Variants in DLEU7 observed in about 807,000 individuals in gnomAD.
DLEU7 encodes the protein deleted in lymphocytic leukemia 7.
Under a neutral mutation model 16.0 loss-of-function variants are expected in DLEU7, and 17 were observed. The observed-to-expected ratio is 1.06, with a 90% confidence interval of 0.73 to 1.59. DLEU7 has a LOEUF of 1.59. Ranked by LOEUF, DLEU7 falls within the 40% of genes most tolerant of loss-of-function variation. DLEU7 has a pLI of 0.00. For missense variants in DLEU7, 308 were observed against 314.9 expected (o/e 0.98, Z 0.17); for synonymous variants, 113 against 139.8 (o/e 0.81, Z 1.35).
chr13:50,793,506 C>A (rs572875547), intron 1 of DLEU7, among the ~76,000 whole-genome samples: 7 of 152,330 alleles, frequency 4.6e-5, no homozygotes, highest in African/African-American at 1.7e-4. Context: ...TGCAGCCTCA[C>A]TAACATCTGC....
At position 50,843,210 on chromosome 13, in the gene DLEU7, C is replaced by T. The variant is rs759577388; in HGVS notation, c.437G>A (p.Arg146Gln). ...QTLLGPLQQE[R>Q]SFPIHLKDSV... ...CACCTTCAGGTGAATGGGAAAGGAC[C>T]GCTCCTGCTGGAGGGGCCCCAGCAG... Residue 146 changes from arginine (R) to glutamine (Q), a missense_variant, in exon 1 of 2, where the codon CGG becomes CAG. By Grantham distance (43) the Arg-to-Gln change is conservative. Coordinates refer to ENST00000504404, the MANE Select transcript of DLEU7 (RefSeq NM_001306135.2). This position sits in a 1 kb window ranked among gnomAD's most constrained non-coding sequence, Gnocchi z 5.7. 5 of 1,593,130 alleles carry T rather than the reference C, an allele frequency of 3.1e-6. No homozygotes were observed. The Admixed American group carries it at 6.8e-5, about 22-fold the overall frequency.
chr13:50,798,410 T>C (rs1876157160), intron 1 of DLEU7, among the ~76,000 whole-genome samples: 1 of 152,200 alleles, frequency 6.6e-6, no homozygotes, highest in South Asian at 2.1e-4. Context: ...CAGTGGGACA[T>C]ACACTGACAC....
intron 1 of DLEU7, among the ~76,000 whole-genome samples, chr13:50,787,930 C>T (rs997909725): frequency 6.6e-6 from 1 of 152,164 alleles, no homozygotes; most frequent in African/African-American, 2.4e-5. Context: ...CTCTGACTCA[C>T]TCTGATGGAT....
chr13:50,760,066 CA>C (rs1342280087), intron 1 of DLEU7, among the ~76,000 whole-genome samples: 1 of 151,988 alleles, frequency 6.6e-6, no homozygotes, highest in East Asian at 1.9e-4. Context: ...TTTATGCATA[CA>C]AAAGATCATT....
chr13:50,799,795 C>T (rs1876198607), intron 1 of DLEU7, among the ~76,000 whole-genome samples: 1 of 152,198 alleles, frequency 6.6e-6, no homozygotes, highest in Admixed American at 6.5e-5. Flanking sequence ...ACTTCTCTTT[C>T]CTCTGCTTAT....
chr13:50,759,218 A>G (rs1484614191), intron 1 of DLEU7, among the ~76,000 whole-genome samples: 1 of 152,190 alleles, frequency 6.6e-6, no homozygotes, highest in Middle Eastern at 3.2e-3. Context: ...TATCAGCTTC[A>G]TTTAGAGATA....
chr13:50,803,609 T>C (rs1156670805), intron 1 of DLEU7, among the ~76,000 whole-genome samples: 1 of 152,138 alleles, frequency 6.6e-6, no homozygotes, highest in Non-Finnish European at 1.5e-5. Context: ...TTATAATATT[T>C]TGTATTGATT....
At chr13:50,836,906 A>G (rs1349885616) in intron 1 of DLEU7, among the ~76,000 whole-genome samples, 2 of 152,170 alleles carry the variant, frequency 1.3e-5, no homozygotes, top group Non-Finnish European at 2.9e-5. Flanking sequence ...TTTCTGTTTT[A>G]ATAGGATGTT....
downstream of DLEU7, among the ~76,000 whole-genome samples, chr13:50,820,560 G>A (rs1332159588): frequency 1.3e-5 from 2 of 152,110 alleles, no homozygotes; most frequent in African/African-American, 2.4e-5. Flanking sequence ...CTAGGGAGAC[G>A]AGGAACATGC....
At chr13:50,810,793 A>T (rs1326405403) in intron 1 of DLEU7, among the ~76,000 whole-genome samples, 1 of 152,154 alleles carries the variant, frequency 6.6e-6, no homozygotes, top group Admixed American at 6.6e-5. Context: ...TTTTTAGTTT[A>T]TTTTAAAGTT....
intron 1 of DLEU7, chr13:50,812,910 C>G (rs1876612827): frequency 6.6e-6 from 1 of 151,682 alleles, no homozygotes; most frequent in South Asian, 2.1e-4. Context: ...AAAACTTCTG[C>G]TTAAGGTTTG....
chr13:50,803,645 A>G (rs1010467226), intron 1 of DLEU7, among the ~76,000 whole-genome samples: 12 of 152,072 alleles, frequency 7.9e-5, no homozygotes, highest in Non-Finnish European at 1.5e-5. Context: ...ATTATTTTTG[A>G]TATGACAAAT....
chr13:50,739,245 G>A (rs778844865), intron 1 of DLEU7, among the ~76,000 whole-genome samples: 18 of 152,022 alleles, frequency 1.2e-4, no homozygotes, highest in Admixed American at 1.2e-3. Flanking sequence ...TCTTCTTTGG[G>A]ACACAGAACA....
intron 1 of DLEU7, among the ~76,000 whole-genome samples, chr13:50,761,734 A>C (rs1233192901): frequency 2.6e-5 from 4 of 152,196 alleles, no homozygotes; most frequent in Non-Finnish European, 4.4e-5. Flanking sequence ...GGTGAGGCTG[A>C]ATTCTCTTTG....
At chr13:50,790,806 C>A (rs185085925) in intron 1 of DLEU7, among the ~76,000 whole-genome samples, 1 of 152,160 alleles carries the variant, frequency 6.6e-6, no homozygotes, top group Admixed American at 6.5e-5. Context: ...GATGCTCTCT[C>A]GAGGTCCTGG....
At chr13:50,756,137 C>G (rs1020383442) in intron 1 of DLEU7, among the ~76,000 whole-genome samples, 2 of 152,134 alleles carry the variant, frequency 1.3e-5, no homozygotes, top group Admixed American at 6.5e-5. Context: ...GAAATGGACT[C>G]TGTGAGGGTT....
At position 50,843,652 on chromosome 13, in the gene DLEU7, C is replaced by T; in HGVS notation, c.-6G>A. On this transcript the variant is annotated 5_prime_UTR_variant, in exon 1 of 2. Transcript: ENST00000504404. The surrounding 1 kb of genome is among the most constrained non-coding windows in gnomAD (Gnocchi z 5.7). ...AAGGGCGCAGGGCTGGCCATCGCCT[C>T]CGCTGGCGGCCCGGCGCGCTCCGCG... 6.7e-7 allele frequency: 1 copy of T among 1,503,344 alleles called. No homozygotes were observed. The highest frequency in any genetic ancestry group is 8.8e-7 in the Non-Finnish European group (1 of 1,133,146). The allele number at this position is 1,503,344 out of a possible 1,614,324, so 93.1% of individuals were successfully genotyped here.
chr13:50,729,380 G>A (rs1873855521), intron 1 of DLEU7, among the ~76,000 whole-genome samples: 1 of 152,180 alleles, frequency 6.6e-6, no homozygotes, highest in African/African-American at 2.4e-5. Flanking sequence ...TTTCATGGCT[G>A]CATAGTATTC....
downstream of DLEU7, among the ~76,000 whole-genome samples, chr13:50,821,792 C>G (rs1446735276): frequency 6.6e-6 from 1 of 151,876 alleles, no homozygotes; most frequent in Non-Finnish European, 1.5e-5. Context: ...ATAGGGTAGG[C>G]AGCATATAAA....
Sources: allele counts gnomAD v4.1 joint callset (sites outside exome capture counted in the v4.1 genomes callset), GRCh38; gene constraint gnomAD v4.1.1; non-coding constraint Gnocchi (gnomAD v3.1); transcripts MANE v1.5; gene names NCBI Gene and HGNC (gene_info 2026-07-23, HGNC 2026-07-21).